Variants in MS4A5 observed in about 807,000 individuals in gnomAD.
MS4A5 encodes membrane spanning 4-domains A5.
A neutral mutation model predicts 18.2 loss-of-function variants in MS4A5; 15 were observed. That is an observed-to-expected ratio of 0.83 (90% CI 0.55 to 1.27). The LOEUF (loss-of-function observed/expected upper bound fraction) is 1.27, where lower values mean the gene tolerates loss of function less well. Ranked by LOEUF, MS4A5 falls within the 50% of genes most tolerant of loss-of-function variation. The pLI is 0.00. For synonymous variants in MS4A5, 89 were observed against 78.7 expected, an observed-to-expected ratio of 1.13 and a Z score of -0.69; for missense variants, 232 against 225.7, an observed-to-expected ratio of 1.03 and a Z score of -0.18.
intron 4 of MS4A5, among the ~76,000 whole-genome samples, chr11:60,447,404 A>AATATG (rs1461968841): frequency 6.8e-6 from 1 of 146,454 alleles, no homozygotes; most frequent in South Asian, 2.2e-4. Flanking sequence ...GCTGTGCTGT[A>AATATG]CTATGCTATG....
chr11:60,436,529 A>C (rs2086081636), intron 4 of MS4A5, among the ~76,000 whole-genome samples: 1 of 135,358 alleles, frequency 7.4e-6, no homozygotes, highest in African/African-American at 2.5e-5. Context: ...TTTGAAAAAA[A>C]TTTAGAAGAA....
chr11:60,438,379 C>G (rs2086092307), intron 4 of MS4A5, among the ~76,000 whole-genome samples: 1 of 151,948 alleles, frequency 6.6e-6, no homozygotes, highest in South Asian at 2.1e-4. Context: ...CAAGCAAGAG[C>G]AAACACATTC....
chr11:60,436,456 A>C (rs1418017630), intron 4 of MS4A5, among the ~76,000 whole-genome samples: 2 of 138,918 alleles, frequency 1.4e-5, no homozygotes, highest in Non-Finnish European at 3.3e-5. Flanking sequence ...AGGAGGCTTC[A>C]GACGATCAAA....
At chr11:60,446,673 C>T (rs1367113667) in intron 4 of MS4A5, among the ~76,000 whole-genome samples, 1 of 150,622 alleles carries the variant, frequency 6.6e-6, no homozygotes, top group Non-Finnish European at 1.5e-5. Context: ...TTGGAGGTTG[C>T]AGTGAGCCGA....
intron 4 of MS4A5, among the ~76,000 whole-genome samples, chr11:60,437,046 G>A (rs1442500619): frequency 2.2e-5 from 3 of 137,172 alleles, no homozygotes; most frequent in Non-Finnish European, 4.9e-5. Context: ...CCCTCAAAGG[G>A]AAGCTCATCA....
chr11:60,440,491 G>C (rs61898334), intron 4 of MS4A5, among the ~76,000 whole-genome samples: 110,276 of 113,564 alleles, frequency 0.97, 53,712 homozygotes, highest in Middle Eastern at 1. Context: ...GAACAGGCAA[G>C]CTACAAAATG....
In MS4A5 at chr11:60,433,856, A is replaced by G. The variant is rs772829920; in HGVS notation, c.431A>G (p.Asn144Ser). 18 of 1,613,986 alleles carry G rather than the reference A, an allele frequency of 1.1e-5. No individual in the cohort carries two copies. In the African/African-American group the frequency reaches 2.0e-4, roughly 18 times the overall value. Residue 144 changes from asparagine to serine, a missense_variant, in exon 4 of 5, where the codon AAC (asparagine) becomes AGC (serine). By Grantham distance (46) the Asn-to-Ser change is conservative. Coordinates refer to ENST00000300190, the MANE Select transcript of MS4A5 (RefSeq NM_023945.3). ...ACATTTGGTTTCATCCTAGATCAAAACTACATTTGTGGTTATTCTCACCAA... is the reference window on the plus strand; with the variant it reads ...ACATTTGGTTTCATCCTAGATCAAAGCTACATTTGTGGTTATTCTCACCAA... ...LLTFGFILDQ[N>S]YICGYSHQNS...
At chr11:60,440,666 A>G (rs1046176487) in intron 4 of MS4A5, among the ~76,000 whole-genome samples, 3 of 149,280 alleles carry the variant, frequency 2.0e-5, no homozygotes, top group African/African-American at 7.4e-5. Context: ...GCCAAAAAAC[A>G]CATGAAAAAA....
At chr11:60,446,165 A>T (rs552131847) in intron 4 of MS4A5, among the ~76,000 whole-genome samples, 1 of 152,224 alleles carries the variant, frequency 6.6e-6, no homozygotes, top group Non-Finnish European at 1.5e-5. Flanking sequence ...GACAAACTAC[A>T]CCATGAAATA....
intron 1 of MS4A5, among the ~76,000 whole-genome samples, chr11:60,430,450 A>C (rs575533881): frequency 6.6e-6 from 1 of 152,328 alleles, no homozygotes; most frequent in South Asian, 2.1e-4. Context: ...TAAAGAACTG[A>C]AGAACTTATG....
rs760898646 is a variant in MS4A5, at chr11:60,429,851, A to G, written c.153+24A>G. ...GGGTAAGTAAGACTTGCCCCTATGT[A>G]TATTTTACTGAGGCAGGGGAAAGGC... On this transcript the variant is annotated intron_variant, in intron 1 of 4. Coordinates refer to ENST00000300190, the MANE Select transcript of MS4A5 (RefSeq NM_023945.3). 3.1e-6 allele frequency: 5 copies of G among 1,603,686 alleles called. No individual in the cohort carries two copies. The East Asian group carries it at 8.9e-5, about 29-fold the overall frequency.
chr11:60,444,390 C>T (rs899055204), intron 4 of MS4A5, among the ~76,000 whole-genome samples: 5 of 151,996 alleles, frequency 3.3e-5, no homozygotes, highest in African/African-American at 1.2e-4. Flanking sequence ...AGGAGAATAT[C>T]TTCACGACCA....
intron 4 of MS4A5, among the ~76,000 whole-genome samples, chr11:60,444,792 AACTCTCAT>A (rs1169225811): frequency 6.6e-6 from 1 of 152,212 alleles, no homozygotes; most frequent in African/African-American, 2.4e-5. Context: ...AAGCAACTGG[AACTCTCAT>A]ACCCTTTTGA....
In MS4A5 at chr11:60,433,819, A is replaced by T; in HGVS notation, c.394A>T (p.Ile132Phe). 6.2e-7 allele frequency: 1 copy of T among 1,613,896 alleles called. No individual in the cohort carries two copies. The highest frequency in any genetic ancestry group is 1.3e-5 in the African/African-American group (1 of 75,044). ...FLSALGAIAG[I>F]ILLTFGFILD... Reference sequence around the variant, plus strand: ...TAGTGCCCTGGGAGCAATAGCTGGAATCATTCTCCTCACATTTGGTTTCAT... The same window carrying T: ...TAGTGCCCTGGGAGCAATAGCTGGATTCATTCTCCTCACATTTGGTTTCAT... Residue 132 changes from isoleucine to phenylalanine, a missense_variant, in exon 4 of 5, where the codon ATC becomes TTC. Physicochemically the swap from Ile to Phe is conservative, Grantham distance 21 (BLOSUM62 0). Transcript: ENST00000300190.
chr11:60,434,853 T>G (rs1321079364), intron 4 of MS4A5, among the ~76,000 whole-genome samples: 1 of 152,132 alleles, frequency 6.6e-6, no homozygotes, highest in Non-Finnish European at 1.5e-5. Context: ...GAGAAAGAAG[T>G]CAAGGTTTCA....
chr11:60,429,688 C>A lies in MS4A5; in HGVS notation c.14C>A (p.Thr5Asn). 6.2e-7 allele frequency: 1 copy of A among 1,612,956 alleles called. No homozygotes were observed. The highest frequency in any genetic ancestry group is 8.5e-7 in the Non-Finnish European group (1 of 1,179,666). ...ACCGACACCATCATGGATTCAAGCA[C>A]CGCACACAGTCCGGTGTTTCTGGTA... is the stretch of plus-strand genomic sequence containing the variant. MDSS[T>N]AHSPVFLVFP... The change falls in exon 1 of 5, where the codon ACC (threonine) becomes AAC (asparagine). Residue 5 changes from threonine (T) to asparagine (N), a missense_variant. Coordinates refer to ENST00000300190, the MANE Select transcript of MS4A5 (RefSeq NM_023945.3).
intron 4 of MS4A5, among the ~76,000 whole-genome samples, chr11:60,435,143 T>C (rs2086071530): frequency 6.6e-6 from 1 of 152,204 alleles, no homozygotes; most frequent in African/African-American, 2.4e-5. Flanking sequence ...GAATTTGGTC[T>C]TGGTATGTGG....
chr11:60,429,684 A>T lies in MS4A5; in HGVS notation c.10A>T (p.Ser4Cys). ...TATCACCGACACCATCATGGATTCA[A>T]GCACCGCACACAGTCCGGTGTTTCT... The part of the protein sequence containing the change: MDS[S>C]TAHSPVFLVF... Residue 4 changes from serine to cysteine, a missense_variant, in exon 1 of 5, where the codon AGC becomes TGC. Transcript: ENST00000300190. The T allele has an allele frequency of 6.2e-7, 1 of 1,609,322 alleles. No homozygotes were observed. The highest frequency in any genetic ancestry group is 8.5e-7 in the Non-Finnish European group (1 of 1,178,856).
intron 4 of MS4A5, among the ~76,000 whole-genome samples, chr11:60,437,957 C>A (rs899147269): frequency 1.3e-5 from 2 of 152,160 alleles, no homozygotes; most frequent in African/African-American, 2.4e-5. Flanking sequence ...CACGCCAAAT[C>A]AACAGAATAT....
Sources: gnomAD v4.1 joint callset for allele counts (sites outside exome capture counted in the v4.1 genomes callset) on GRCh38, gnomAD v4.1.1 for gene constraint, MANE v1.5 for transcripts, NCBI Gene and HGNC (gene_info 2026-07-23, HGNC 2026-07-21) for gene names.